The following ARHGAP42 variants were observed in gnomAD, a reference collection of about 807,000 sequenced individuals.
The protein encoded by ARHGAP42 is Rho GTPase activating protein 42.
Under a neutral mutation model 125.0 loss-of-function variants are expected in ARHGAP42, and 63 were observed. That is an observed-to-expected ratio of 0.50 (90% CI 0.41 to 0.62). The LOEUF is 0.62. ARHGAP42 is among the 20% of genes least tolerant of loss of function. The probability of loss-of-function intolerance (pLI) is 0.00; values close to 1 mark genes in which losing one functional copy is unlikely to be tolerated. For missense variants in ARHGAP42, 766 were observed against 1,024.2 expected (o/e 0.75, Z 3.44); for synonymous variants, 339 against 351.0 (o/e 0.97, Z 0.38).
chr11:100,750,459 G>A (rs1233056297), intron 1 of ARHGAP42, among the ~76,000 whole-genome samples: 1 of 148,842 alleles, frequency 6.7e-6, no homozygotes, highest in Non-Finnish European at 1.5e-5. Flanking sequence ...GAGTCAGGTG[G>A]AGAATGAGTC....
intron 4 of ARHGAP42, among the ~76,000 whole-genome samples, chr11:100,911,116 G>A (rs1002953987): frequency 3.9e-5 from 6 of 152,174 alleles, no homozygotes; most frequent in African/African-American, 1.4e-4. Flanking sequence ...AAGGGAGTCA[G>A]TTTTCTGTAC....
chr11:100,755,315 C>T (rs1862547003), intron 1 of ARHGAP42, among the ~76,000 whole-genome samples: 1 of 152,178 alleles, frequency 6.6e-6, no homozygotes, highest in Non-Finnish European at 1.5e-5. Context: ...TCACAATGGG[C>T]TGGGTCCCTG....
rs140182925 is a variant in ARHGAP42, at chr11:100,934,185, A to G, written c.702+925A>G. Among the ~76,000 whole-genome samples the G allele has an allele frequency of 2.9e-3, 440 of 152,336 alleles. 9 individuals carry two copies. The East Asian group carries it at 0.036, about 13-fold the overall frequency. ...CTCATCTTTCTCTGAAATTGAATAT[A>G]AAATATGTGCTGTTTATTATTTTCA... On this transcript the variant is annotated intron_variant, in intron 7 of 23. Coordinates refer to ENST00000298815, the MANE Select transcript of ARHGAP42 (RefSeq NM_152432.4).
In ARHGAP42 at chr11:100,885,839, T is replaced by C. The variant is rs537589276; in HGVS notation, c.384+26214T>C. Among the ~76,000 whole-genome samples the C allele has an allele frequency of 3.3e-5, 5 of 152,228 alleles. No individual in the cohort carries two copies. The South Asian group carries it at 8.3e-4, about 25-fold the overall frequency. On this transcript the variant is annotated intron_variant, in intron 4 of 23. Transcript: ENST00000298815. ...AAGATGACCAAAATGAAATTATAAG[T>C]TAAGGTAGACAGAGGTTGAATTACA... is the stretch of plus-strand genomic sequence containing the variant.
At chr11:100,783,746 A>G (rs1565212561) in intron 2 of ARHGAP42, among the ~76,000 whole-genome samples, 1 of 152,190 alleles carries the variant, frequency 6.6e-6, no homozygotes. Context: ...CCAGGGATGA[A>G]AAAGAAAACA....
chr11:100,941,994 A>G, intron 9 of ARHGAP42, 110 bp downstream of exon 9: 1 of 815,208 alleles, frequency 1.2e-6, no homozygotes, highest in East Asian at 2.9e-5. Context: ...ACACATTTAC[A>G]AAAAAATAGA....
chr11:100,953,751 T>G (rs1450656530), intron 12 of ARHGAP42, among the ~76,000 whole-genome samples: 1 of 152,162 alleles, frequency 6.6e-6, no homozygotes, highest in Non-Finnish European at 1.5e-5. Context: ...AAATAAAATA[T>G]TGGTCAATGA....
intron 3 of ARHGAP42, among the ~76,000 whole-genome samples, chr11:100,815,002 T>G (rs977001904): frequency 6.6e-6 from 1 of 152,248 alleles, no homozygotes; most frequent in Non-Finnish European, 1.5e-5. Context: ...GGCCTCATGG[T>G]GGACACTTCC....
At chr11:100,973,418 A>T in intron 18 of ARHGAP42, 84 bp downstream of exon 18, 1 of 1,370,230 alleles carries the variant, frequency 7.3e-7, no homozygotes, top group Non-Finnish European at 1.0e-6. Context: ...TGAGCTCATG[A>T]GTTTTGTATA....
intron 4 of ARHGAP42, among the ~76,000 whole-genome samples, chr11:100,878,067 A>G (rs1257014095): frequency 1.3e-5 from 2 of 151,002 alleles, no homozygotes; most frequent in East Asian, 3.9e-4. Context: ...GATTTAACAT[A>G]TGAATATGGG....
intron 3 of ARHGAP42, among the ~76,000 whole-genome samples, chr11:100,856,361 G>C (rs372592559): frequency 6.6e-6 from 1 of 151,896 alleles, no homozygotes; most frequent in South Asian, 2.1e-4. Context: ...TTCACACTTG[G>C]ATTGCTTTAG....
intron 1 of ARHGAP42, among the ~76,000 whole-genome samples, chr11:100,696,272 A>G (rs1783690): frequency 6.6e-6 from 1 of 152,208 alleles, no homozygotes; most frequent in Non-Finnish European, 1.5e-5. Flanking sequence ...AGATTATTTT[A>G]TGTAAAATCA....
At chr11:100,967,780 C>G (rs1858135382) in intron 17 of ARHGAP42, among the ~76,000 whole-genome samples, 1 of 152,146 alleles carries the variant, frequency 6.6e-6, no homozygotes, top group Non-Finnish European at 1.5e-5. Flanking sequence ...GTGGCGCGAT[C>G]TGGGCCTACT....
At chr11:100,984,018 A>G (rs1467410466) in intron 22 of ARHGAP42, among the ~76,000 whole-genome samples, 1 of 152,034 alleles carries the variant, frequency 6.6e-6, no homozygotes, top group Non-Finnish European at 1.5e-5. Context: ...CTGGGAAGCT[A>G]AGATGGGAAG....
At position 100,901,055 on chromosome 11, in the gene ARHGAP42, G is replaced by C. The variant is rs142445495; in HGVS notation, c.385-12397G>C. On this transcript the variant is annotated intron_variant, in intron 4 of 23. Transcript: ENST00000298815. ...TCTGCCTTTGGTCTTTGATGTTGGT[G>C]ACCTACAGATGGGTTTTTGGTGTGG... Among the ~76,000 whole-genome samples the C allele has an allele frequency of 1.4e-3, 218 of 152,262 alleles. 1 individual carries two copies. Among genetic ancestry groups the C allele is most frequent in the African/African-American group, 4.9e-3 (205 of 41,550 alleles).
At chr11:100,791,857 T>A (rs1399093881) in intron 2 of ARHGAP42, among the ~76,000 whole-genome samples, 1 of 152,220 alleles carries the variant, frequency 6.6e-6, no homozygotes, top group Non-Finnish European at 1.5e-5. Context: ...TTACTAAATC[T>A]ATAAATAGTG....
At chr11:100,781,598 C>T (rs1863312607) in intron 2 of ARHGAP42, among the ~76,000 whole-genome samples, 1 of 151,890 alleles carries the variant, frequency 6.6e-6, no homozygotes, top group Non-Finnish European at 1.5e-5. Context: ...CATCATTGTG[C>T]AAAACAGAAA....
rs115880535 is a variant in ARHGAP42 at position 100,791,016 on chromosome 11, T to G, written c.251-4089T>G. 9.6e-3 allele frequency among the ~76,000 whole-genome samples: 1,458 copies of G among 152,318 alleles called. 17 individuals are homozygous for G. The highest frequency in any genetic ancestry group is 0.033 in the African/African-American group (1,384 of 41,578). ...AGTCTGAGAATAAGTGGCTCAAACA[T>G]TCACACAAACTCAATAACTATTCTG... On this transcript the variant is annotated intron_variant, in intron 2 of 23. Transcript: ENST00000298815.
intron 1 of ARHGAP42, among the ~76,000 whole-genome samples, chr11:100,735,326 C>G (rs775946176): frequency 1.7e-4 from 26 of 152,120 alleles, no homozygotes; most frequent in Non-Finnish European, 3.1e-4. Flanking sequence ...TGGAATCCCC[C>G]TTATGTTTCT....
Sources: allele counts gnomAD v4.1 joint callset (sites outside exome capture counted in the v4.1 genomes callset), GRCh38; gene constraint gnomAD v4.1.1; transcripts MANE v1.5; gene names NCBI Gene and HGNC (gene_info 2026-07-23, HGNC 2026-07-21).